Variants in DENND2B observed in about 807,000 individuals in gnomAD.
The protein encoded by DENND2B is DENN domain containing 2B, also known as DENN domain-containing protein 2B.
In DENND2B, 32 loss-of-function variants were observed where a neutral mutation model predicts 116.0. That is an observed-to-expected ratio of 0.28 (90% confidence interval 0.21 to 0.37). The LOEUF (loss-of-function observed/expected upper bound fraction) is 0.37. Among genes scored for constraint, DENND2B ranks in the 10% least tolerant of loss-of-function variants. DENND2B has a pLI of 1.00. For synonymous variants in DENND2B, 588 were observed against 583.9 expected (o/e 1.01, Z -0.10); for missense variants, 1,276 against 1,477.7 (o/e 0.86, Z 2.24).
At chr11:8,807,552 C>T (rs2060979922) in intron 1 of DENND2B, among the ~76,000 whole-genome samples, 1 of 152,170 alleles carries the variant, frequency 6.6e-6, no homozygotes, top group South Asian at 2.1e-4. Context: ...GTTTCATCTT[C>T]CCGGGGTGAC....
At chr11:8,738,177 G>T (rs2049449800) in intron 2 of DENND2B, among the ~76,000 whole-genome samples, 1 of 152,146 alleles carries the variant, frequency 6.6e-6, no homozygotes, top group African/African-American at 2.4e-5. Context: ...CGTCTAAAAG[G>T]GCTGGCCTTA....
At chr11:8,893,504 G>A (rs545671476) in intron 1 of DENND2B, among the ~76,000 whole-genome samples, 7 of 152,206 alleles carry the variant, frequency 4.6e-5, no homozygotes, top group Admixed American at 2.0e-4. Flanking sequence ...AAACCCCATC[G>A]TCTCAGCCCA....
intron 1 of DENND2B, among the ~76,000 whole-genome samples, chr11:8,897,257 A>C (rs1304975639): frequency 6.6e-6 from 1 of 152,178 alleles, no homozygotes; most frequent in African/African-American, 2.4e-5. Context: ...ACACCATCTC[A>C]AACAAACAAA....
chr11:8,788,222 C>A (rs942548910), intron 1 of DENND2B, among the ~76,000 whole-genome samples: 6 of 152,118 alleles, frequency 3.9e-5, no homozygotes, highest in Admixed American at 3.3e-4. Context: ...CCAAAACAAA[C>A]CCCAACCAGA....
Position 8,712,543 on chromosome 11 carries a change from G to T in DENND2B, c.2172+8C>A. ...ATATGGGCAAGGTGGGGAGAGAGAA[G>T]GCCTCACCTTGGGAAACTGGTAGGA... On this transcript the variant is annotated splice_region_variant and intron_variant, in intron 9 of 19. Coordinates refer to ENST00000313726, the MANE Select transcript of DENND2B (RefSeq NM_213618.2). This position sits in a 1 kb window ranked among gnomAD's most constrained non-coding sequence, Gnocchi z 4.4. 6.5e-7 allele frequency: 1 copy of T among 1,550,240 alleles called. No individual in the cohort carries two copies. The highest frequency in any genetic ancestry group is 8.7e-7 in the Non-Finnish European group (1 of 1,145,864).
At chr11:8,890,766 TGGTGTACCTGAAAGTGACAG>T in intron 1 of DENND2B, among the ~76,000 whole-genome samples, 1 of 151,966 alleles carries the variant, frequency 6.6e-6, no homozygotes, top group East Asian at 1.9e-4. Context: ...TACATCTGAG[TGGTGTACCTGAAAGTGACAG>T]GGAGAATGGA....
At chr11:8,710,792 CA>C (rs1158153234) in intron 11 of DENND2B, 52 bp downstream of exon 11, 122 of 1,447,560 alleles carry the variant, frequency 8.4e-5, no homozygotes, top group Non-Finnish European at 1.0e-4. Context: ...CACACACACA[CA>C]CCCTGGCCTA....
chr11:8,803,143 G>A (rs2060500303), intron 1 of DENND2B, among the ~76,000 whole-genome samples: 2 of 152,168 alleles, frequency 1.3e-5, no homozygotes, highest in African/African-American at 2.4e-5. Context: ...CCAGCACTTT[G>A]GAAGGCCAAG....
intron 3 of DENND2B, among the ~76,000 whole-genome samples, chr11:8,839,794 G>A (rs978373598): frequency 6.6e-5 from 10 of 152,198 alleles, no homozygotes; most frequent in Admixed American, 5.9e-4. Flanking sequence ...AAGCACCCAG[G>A]AGCAGACCAG....
rs889693347 is a variant in DENND2B, at chr11:8,707,753, G to A, written c.2430+24C>T. 1 of 1,591,396 alleles carries A rather than the reference G, an allele frequency of 6.3e-7. No individual in the cohort carries two copies. ...GGAGCTGTCAGCTGGGGGACGGGGAGGGAAGCCTGCCAGAGCCTCTTACCT... is the reference window on the plus strand; with the variant it reads ...GGAGCTGTCAGCTGGGGGACGGGGAAGGAAGCCTGCCAGAGCCTCTTACCT... On this transcript the variant is annotated intron_variant, in intron 12 of 19. Coordinates refer to ENST00000313726, the MANE Select transcript of DENND2B (RefSeq NM_213618.2). This position sits in a 1 kb window ranked among gnomAD's most constrained non-coding sequence, Gnocchi z 4.8.
chr11:8,741,517 C>T (rs1261796746), intron 2 of DENND2B, among the ~76,000 whole-genome samples: 3 of 152,306 alleles, frequency 2.0e-5, no homozygotes, highest in South Asian at 4.1e-4. Flanking sequence ...GAGGCAAATC[C>T]GATTCCAGGA....
At chr11:8,754,013 A>G (rs189203796) in intron 1 of DENND2B, among the ~76,000 whole-genome samples, 2 of 127,798 alleles carry the variant, frequency 1.6e-5, no homozygotes, top group Admixed American at 8.1e-5. Flanking sequence ...TTTCTTAGAT[A>G]TAACACCAAA....
At chr11:8,905,964 A>G (rs1287034835) in intron 1 of DENND2B, among the ~76,000 whole-genome samples, 1 of 151,506 alleles carries the variant, frequency 6.6e-6, no homozygotes, top group Non-Finnish European at 1.5e-5. Flanking sequence ...AATTGTCCAG[A>G]AAAGGCGAAT....
intron 2 of DENND2B, among the ~76,000 whole-genome samples, chr11:8,739,243 G>A (rs907439131): frequency 2.6e-5 from 4 of 152,172 alleles, no homozygotes; most frequent in African/African-American, 9.7e-5. Context: ...GGTACACGAA[G>A]CACTCGGTGC....
chr11:8,724,245 G>A (rs778934197), intron 4 of DENND2B, among the ~76,000 whole-genome samples: 6 of 151,566 alleles, frequency 4.0e-5, no homozygotes, highest in Admixed American at 1.3e-4. Context: ...GCAGTGAGCC[G>A]AGATCGCACC....
chr11:8,888,267 C>T (rs1279639223), intron 1 of DENND2B, among the ~76,000 whole-genome samples: 1 of 152,066 alleles, frequency 6.6e-6, no homozygotes, highest in Non-Finnish European at 1.5e-5. Flanking sequence ...TTGCTGGAGC[C>T]AGGATGGGCA....
intron 4 of DENND2B, among the ~76,000 whole-genome samples, chr11:8,723,951 G>A (rs184585648): frequency 6.6e-6 from 1 of 152,368 alleles, no homozygotes; most frequent in Non-Finnish European, 1.5e-5. Context: ...AAGTGGTAAG[G>A]AAACGGCTGT....
chr11:8,900,518 G>T (rs916973379), intron 1 of DENND2B, among the ~76,000 whole-genome samples: 3 of 151,536 alleles, frequency 2.0e-5, no homozygotes, highest in African/African-American at 7.2e-5. Context: ...GGGATCACTT[G>T]AGCCTAGGAG....
chr11:8,725,976 GC>G (rs1189517976), intron 4 of DENND2B, 96 bp downstream of exon 4: 1 of 1,568,874 alleles, frequency 6.4e-7, no homozygotes, highest in African/African-American at 1.4e-5. Context: ...GACCATGCCT[GC>G]CCACAGTGAA....
Sources: allele counts gnomAD v4.1 joint callset (sites outside exome capture counted in the v4.1 genomes callset), GRCh38; gene constraint gnomAD v4.1.1; non-coding constraint Gnocchi (gnomAD v3.1); transcripts MANE v1.5; gene names NCBI Gene and HGNC (gene_info 2026-07-23, HGNC 2026-07-21).